Variants in CERS3 observed in about 807,000 individuals in gnomAD.
CERS3 encodes the protein LAG1 homolog, ceramide synthase 3.
Under a neutral mutation model 50.3 loss-of-function variants are expected in CERS3, and 33 were observed. That is an observed-to-expected ratio of 0.66 (90% confidence interval 0.50 to 0.88). CERS3 has a LOEUF of 0.88. Among genes scored for constraint, CERS3 ranks in the 40% least tolerant of loss-of-function variants. The pLI is 0.00. For missense variants in CERS3, 470 were observed against 460.3 expected (o/e 1.02, Z -0.19); for synonymous variants, 176 against 155.2 (o/e 1.13, Z -0.99).
chr15:100,509,464 C>T (rs760972209), intron 2 of CERS3, among the ~76,000 whole-genome samples: 2 of 152,284 alleles, frequency 1.3e-5, no homozygotes, highest in South Asian at 4.1e-4. Flanking sequence ...AGGAGAGCAA[C>T]AAGAAACTAT....
chr15:100,522,394 G>T (rs1282408497), intron 1 of CERS3, among the ~76,000 whole-genome samples: 1 of 152,192 alleles, frequency 6.6e-6, no homozygotes, highest in African/African-American at 2.4e-5. Context: ...TGTCACTGCT[G>T]TATTGTTACT....
rs544530440 is a variant in CERS3 at position 100,523,535 on chromosome 15, A to G, written c.-91-1779T>C. 3.9e-5 allele frequency among the ~76,000 whole-genome samples: 6 copies of G among 151,964 alleles called. No individual in the cohort carries two copies. The South Asian group carries it at 1.0e-3, about 26-fold the overall frequency. On this transcript the variant is annotated intron_variant, in intron 1 of 11. Transcript: ENST00000679737. Reference sequence around the variant, plus strand: ...GCTAACACGGTGAAACCCTGTCTCTACTAAAAATACAAAAAATTAGCCAGG... The same window carrying G: ...GCTAACACGGTGAAACCCTGTCTCTGCTAAAAATACAAAAAATTAGCCAGG...
Position 100,410,643 on chromosome 15 carries a change from C to G in CERS3, c.1000-7778G>C, listed in dbSNP as rs141486205. On this transcript the variant is annotated intron_variant, in intron 11 of 11. Coordinates refer to ENST00000679737, the MANE Select transcript of CERS3 (RefSeq NM_001378789.1). ...ACTTCCAACTTCTGCTTCTCCTTTT[C>G]TTTTGAGGGGCTCAGGAAAACCGAT... 4.4e-3 allele frequency among the ~76,000 whole-genome samples: 664 copies of G among 152,268 alleles called. 6 individuals are homozygous for G. The highest frequency in any genetic ancestry group is 0.015 in the African/African-American group (606 of 41,554).
intron 11 of CERS3, among the ~76,000 whole-genome samples, chr15:100,453,477 A>C (rs1341738896): frequency 1.3e-5 from 2 of 152,218 alleles, no homozygotes; most frequent in Non-Finnish European, 2.9e-5. Context: ...CTCTCAACAA[A>C]CTAGTCATAG....
chr15:100,451,530 T>C (rs200446028), intron 11 of CERS3, among the ~76,000 whole-genome samples: 2 of 152,194 alleles, frequency 1.3e-5, no homozygotes, highest in Non-Finnish European at 2.9e-5. Flanking sequence ...GGTGAAACCC[T>C]GTCTCTACTA....
intron 10 of CERS3, among the ~76,000 whole-genome samples, chr15:100,456,942 G>A (rs1355028431): frequency 3.9e-4 from 21 of 53,656 alleles, no homozygotes; most frequent in South Asian, 9.1e-4. Flanking sequence ...GCAAGATTCC[G>A]TGAAAAAAAA....
chr15:100,419,609 C>T (rs949647239), intron 11 of CERS3, among the ~76,000 whole-genome samples: 11 of 147,858 alleles, frequency 7.4e-5, no homozygotes, highest in African/African-American at 2.5e-4. Flanking sequence ...AACTCTCCAC[C>T]CCAAATCAAC....
intron 11 of CERS3, among the ~76,000 whole-genome samples, chr15:100,454,369 G>C (rs1192482230): frequency 8.6e-6 from 1 of 116,496 alleles, no homozygotes; most frequent in Non-Finnish European, 1.7e-5. Context: ...TAGCCTTGAA[G>C]ACAGAGCAAG....
chr15:100,531,123 T>G (rs1455370622), upstream of CERS3, among the ~76,000 whole-genome samples: 1 of 152,120 alleles, frequency 6.6e-6, no homozygotes, highest in Non-Finnish European at 1.5e-5. Flanking sequence ...ACCAATATTG[T>G]AGAACCACAT....
chr15:100,434,019 C>T (rs1288905871), intron 11 of CERS3, among the ~76,000 whole-genome samples: 1 of 152,238 alleles, frequency 6.6e-6, no homozygotes, highest in Non-Finnish European at 1.5e-5. Flanking sequence ...CTGGCCTTAG[C>T]CCCTGCAGTC....
chr15:100,450,359 A>C (rs976029049), intron 11 of CERS3, among the ~76,000 whole-genome samples: 5 of 146,914 alleles, frequency 3.4e-5, no homozygotes, highest in Non-Finnish European at 6.0e-5. Context: ...CAGAAGTTGC[A>C]GTGAGCCAAG....
chr15:100,455,407 A>G (rs558236321), intron 11 of CERS3, among the ~76,000 whole-genome samples: 9 of 152,282 alleles, frequency 5.9e-5, no homozygotes, highest in African/African-American at 2.2e-4. Context: ...GCAGCAGGTG[A>G]CTGTAGTTAA....
At chr15:100,540,664 C>A (rs1013199907) in intron 1 of CERS3, among the ~76,000 whole-genome samples, 2 of 152,228 alleles carry the variant, frequency 1.3e-5, no homozygotes, top group Non-Finnish European at 2.9e-5. Context: ...ACTGCTTCTG[C>A]AATACAACTT....
At chr15:100,464,394 C>A (rs1238994498) in intron 10 of CERS3, among the ~76,000 whole-genome samples, 1 of 152,214 alleles carries the variant, frequency 6.6e-6, no homozygotes, top group Admixed American at 6.5e-5. Flanking sequence ...CTGTTCGTAA[C>A]ACCCAGCTGT....
intron 8 of CERS3, among the ~76,000 whole-genome samples, chr15:100,474,059 T>G (rs1288773898): frequency 6.6e-6 from 1 of 152,220 alleles, no homozygotes; most frequent in South Asian, 2.1e-4. Flanking sequence ...TAATTCCACT[T>G]ATATAAAATA....
chr15:100,415,922 C>T (rs993861134), intron 11 of CERS3, among the ~76,000 whole-genome samples: 2 of 150,812 alleles, frequency 1.3e-5, no homozygotes, highest in African/African-American at 2.4e-5. Flanking sequence ...AGCAAACCTA[C>T]ATGTTCTGCA....
intron 1 of CERS3, among the ~76,000 whole-genome samples, chr15:100,527,657 T>G (rs2036833696): frequency 6.6e-6 from 1 of 152,228 alleles, no homozygotes; most frequent in African/African-American, 2.4e-5. Flanking sequence ...TAAATCTCAC[T>G]AAGCCTCAAT....
In CERS3 at chr15:100,472,994, C is replaced by A. The variant is rs140343630; in HGVS notation, c.668G>T (p.Trp223Leu). Residue 223 changes from tryptophan to leucine, a missense_variant, in exon 9 of 12, where the codon TGG becomes TTG. Coordinates refer to ENST00000679737, the MANE Select transcript of CERS3 (RefSeq NM_001378789.1). ...LAAISLMSFS[W>L]CANYIRSGTL... ...CCCACTGCGAATATAATTAGCACAC[C>A]AAGAGAAGCTCATCAGACTAATAGC... 2 of 1,613,770 alleles carry A rather than the reference C, an allele frequency of 1.2e-6. No homozygotes were observed. Among genetic ancestry groups the A allele is most frequent in the African/African-American group, 1.3e-5 (1 of 74,950 alleles).
chr15:100,492,095 A>G (rs913917306), intron 3 of CERS3, among the ~76,000 whole-genome samples: 1 of 152,194 alleles, frequency 6.6e-6, no homozygotes, highest in Non-Finnish European at 1.5e-5. Context: ...TTTCACATTT[A>G]TTGAGACTTG....
Sources: allele counts gnomAD v4.1 joint callset (sites outside exome capture counted in the v4.1 genomes callset), GRCh38; gene constraint gnomAD v4.1.1; transcripts MANE v1.5; gene names NCBI Gene and HGNC (gene_info 2026-07-23, HGNC 2026-07-21).